The following UBL7 variants were observed in gnomAD, a reference collection of about 807,000 sequenced individuals.
UBL7 encodes the protein ubiquitin like 7, also known as ubiquitin-like protein 7.
UBL7 carries 21 observed loss-of-function variants against 41.7 expected under a neutral mutation model. The ratio of observed to expected loss-of-function variants is 0.50; its 90% CI spans 0.36 to 0.73. The LOEUF (loss-of-function observed/expected upper bound fraction) is 0.73, where lower values mean the gene tolerates loss of function less well. Among genes scored for constraint, UBL7 ranks in the 30% least tolerant of loss-of-function variants. UBL7 has a pLI of 0.00. For missense variants in UBL7, 403 were observed against 478.4 expected (o/e 0.84, Z 1.47); for synonymous variants, 157 against 186.9 (o/e 0.84, Z 1.31).
intron 1 of UBL7, among the ~76,000 whole-genome samples, chr15:74,459,475 A>T (rs1260798845): frequency 1.4e-5 from 2 of 141,022 alleles, no homozygotes; most frequent in African/African-American, 5.2e-5. Context: ...CGCCAGGCTA[A>T]TTTTTTTTTT....
chr15:74,449,488 AGT>A (rs1450077055), intron 8 of UBL7, 135 bp from the exon 9 acceptor site: 1 of 1,539,604 alleles, frequency 6.5e-7, no homozygotes, highest in Admixed American at 1.8e-5. Context: ...AAGCAGAAAT[AGT>A]ATGACATGGT....
chr15:74,458,963 A>C, intron 1 of UBL7, 67 bp from the exon 2 acceptor site: 4 of 1,466,128 alleles, frequency 2.7e-6, no homozygotes, highest in Non-Finnish European at 3.7e-6. Context: ...CCACCCACCA[A>C]AGGGTTGAAT....
At position 74,451,458 on chromosome 15, in the gene UBL7, G is replaced by A. The variant is rs1203738457; in HGVS notation, c.450C>T (p.Leu150=). ...LDQIIVATPG[L]SSDPIALGVL... ...TACCAAGAGCAATAGGGTCACTGCT[G>A]AGGCCTGGGGTGGCCACAATGATCT... is the stretch of plus-strand genomic sequence containing the variant. The change falls in exon 5 of 11, where the codon CTC becomes CTT. Residue 150 remains leucine (L), a synonymous_variant. Coordinates refer to ENST00000395081, the MANE Select transcript of UBL7 (RefSeq NM_032907.5). 1.2e-6 allele frequency: 2 copies of A among 1,614,078 alleles called. No individual in the cohort carries two copies. Among genetic ancestry groups the A allele is most frequent in the Admixed American group, 1.7e-5 (1 of 60,022 alleles).
At chr15:74,459,085 G>T in intron 1 of UBL7, 189 bp from the exon 2 acceptor site, 1 of 566,830 alleles carries the variant, frequency 1.8e-6, no homozygotes, top group Non-Finnish European at 3.1e-6. Context: ...CAGCTCTCTA[G>T]GCCTCAGTTT....
rs1282954990 is a variant in UBL7 at position 74,448,588 on chromosome 15, C to A, written c.895G>T (p.Gly299Trp). The A allele has an allele frequency of 1.2e-6, 2 of 1,614,000 alleles. No individual in the cohort carries two copies. Residue 299 changes from glycine to tryptophan, a missense_variant, in exon 10 of 11, where the codon GGG becomes TGG. By Grantham distance (184) the Gly-to-Trp change is radical (BLOSUM62 -2). Coordinates refer to ENST00000395081, the MANE Select transcript of UBL7 (RefSeq NM_032907.5). ...PTPGTQGHSS[G>W]TSPMSSGVQS... ...ACACCAGAGGACATTGGTGAGGTCC[C>A]TGAGGAATGACCCTAGAGACAAATT...
rs138519431 is a variant in UBL7 at position 74,449,640 on chromosome 15, C to G, written c.700G>C (p.Asp234His). ...FLFEGLSDDE[D>H]DFHPNTRSTP... ...AGGCCACTTACTGGGTGAAAGTCAT[C>G]CTCATCATCTGAGAGCCCTTCAAAC... The change falls in exon 8 of 11, where the codon GAT (aspartate) becomes CAT (histidine). Residue 234 changes from aspartate to histidine, a missense_variant. Asp to His is a moderately conservative substitution (Grantham distance 81). Transcript: ENST00000395081. 1.9e-6 allele frequency: 3 copies of G among 1,614,118 alleles called. No individual in the cohort carries two copies. The African/African-American group carries it at 4.0e-5, about 22-fold the overall frequency.
At chr15:74,448,651 T>C (rs766781638) in intron 9 of UBL7, 51 bp from the exon 10 acceptor site, 13 of 1,606,676 alleles carry the variant, frequency 8.1e-6, no homozygotes, top group South Asian at 3.3e-5. Context: ...CTCAATCTTA[T>C]AGCAGATGCT....
At chr15:74,459,434 A>T (rs368904616) in intron 1 of UBL7, among the ~76,000 whole-genome samples, 4 of 148,854 alleles carry the variant, frequency 2.7e-5, no homozygotes, top group African/African-American at 7.4e-5. Context: ...TCAGCCTCCC[A>T]GGTAGCAGGG....
At chr15:74,454,073 G>C (rs890846996) in intron 3 of UBL7, among the ~76,000 whole-genome samples, 1 of 152,194 alleles carries the variant, frequency 6.6e-6, no homozygotes, top group Admixed American at 6.5e-5. Flanking sequence ...TCTTGAGCCA[G>C]GAAAACCCCT....
chr15:74,448,124 G>T (rs1762041825), intron 10 of UBL7, among the ~76,000 whole-genome samples: 1 of 152,202 alleles, frequency 6.6e-6, no homozygotes, highest in African/African-American at 2.4e-5. Context: ...GCCCCTCCAT[G>T]GCAGGGATGA....
At position 74,458,766 on chromosome 15, in the gene UBL7, C is replaced by A. The variant is rs757450572; in HGVS notation, c.102G>T (p.Ser34=). The A allele has an allele frequency of 1.2e-6, 2 of 1,614,006 alleles. No homozygotes were observed. Among genetic ancestry groups the A allele is most frequent in the South Asian group, 1.1e-5 (1 of 91,088 alleles). The part of the protein sequence containing the change: ...RLPETELGEY[S]LGGYSISFLK... Reference sequence around the variant, plus strand: ...GAAATGAAATACTATAGCCCCCTAGCGAGTATTCTCCCAGTTCTGTCTCTG... The same window carrying A: ...GAAATGAAATACTATAGCCCCCTAGAGAGTATTCTCCCAGTTCTGTCTCTG... The change falls in exon 2 of 11, where the codon TCG becomes TCT. Residue 34 remains serine (S), a synonymous_variant. Transcript: ENST00000395081.
In UBL7 at chr15:74,446,014, T is replaced by G; in HGVS notation, c.*76A>C. ...TCAGGTATATTGGGGAAGGGAGAGA[T>G]GGAGGCACCTTCATGAGTGCCTCCC... is the stretch of plus-strand genomic sequence containing the variant. On this transcript the variant is annotated 3_prime_UTR_variant, in exon 11 of 11. Transcript: ENST00000395081. The surrounding 1 kb of genome is among the most constrained non-coding windows in gnomAD (Gnocchi z 4.1). 6.4e-7 allele frequency: 1 copy of G among 1,556,134 alleles called. No individual in the cohort carries two copies. The highest frequency in any genetic ancestry group is 8.7e-7 in the Non-Finnish European group (1 of 1,147,060).
rs201710274 is a variant in UBL7, at chr15:74,451,477, A to G, written c.431T>C (p.Ile144Thr). Residue 144 changes from isoleucine to threonine, a missense_variant, in exon 5 of 11, where the codon ATT (isoleucine) becomes ACT (threonine). By Grantham distance (89) the Ile-to-Thr change is moderately conservative. Transcript: ENST00000395081. ...LSNKESLDQI[I>T]VATPGLSSDP... ...ACTGCTGAGGCCTGGGGTGGCCACA[A>G]TGATCTGATCCAGAGACTCCTTATT... The G allele has an allele frequency of 9.7e-5, 156 of 1,614,122 alleles. 1 individual carries two copies. The highest frequency in any genetic ancestry group is 4.0e-4 in the South Asian group (36 of 91,084).
In UBL7 at chr15:74,461,095, C is replaced by A; in HGVS notation, c.-88G>T. The A allele has an allele frequency of 3.0e-6, 3 of 1,004,012 alleles. No homozygotes were observed. The highest frequency in any genetic ancestry group is 3.6e-6 in the Non-Finnish European group (3 of 839,554). 62.2% of individuals were successfully genotyped at this position (1,004,012 alleles called of 1,614,324 possible). A position where few individuals can be genotyped will look rare whatever the true frequency, so the allele number is the denominator to read the frequency against. On this transcript the variant is annotated 5_prime_UTR_variant, in exon 1 of 11. Transcript: ENST00000395081. Reference sequence around the variant, plus strand: ...CATCGAGCCCGCGCTGCCCAGGGCCCCAGCGCCCTCACCCGTCCCGCGGAA... The same window carrying A: ...CATCGAGCCCGCGCTGCCCAGGGCCACAGCGCCCTCACCCGTCCCGCGGAA...
rs570047672 is a variant in UBL7 at position 74,456,677 on chromosome 15, A to C, written c.185-6T>G. On this transcript the variant is annotated splice_region_variant and splice_polypyrimidine_tract_variant and intron_variant, in intron 2 of 10. Coordinates refer to ENST00000395081, the MANE Select transcript of UBL7 (RefSeq NM_032907.5). ...CCGACCACAGTAGATCAGATCTAAA[A>C]AAAGAACTGTCCACTTATATTTTGC... is the stretch of plus-strand genomic sequence containing the variant. The C allele has an allele frequency of 1.9e-6, 3 of 1,611,446 alleles. No homozygotes were observed. The South Asian group carries it at 3.3e-5, about 18-fold the overall frequency.
intron 7 of UBL7, 116 bp from the exon 8 acceptor site, chr15:74,449,791 T>C: frequency 6.5e-7 from 1 of 1,547,864 alleles, no homozygotes; most frequent in South Asian, 1.2e-5. Context: ...CTCGGAAAAT[T>C]ACAGGACAGA....
chr15:74,446,866 T>C lies in UBL7; in HGVS notation c.1006-639A>G, dbSNP rs562940351. On this transcript the variant is annotated intron_variant, in intron 10 of 10. Coordinates refer to ENST00000395081, the MANE Select transcript of UBL7 (RefSeq NM_032907.5). The surrounding 1 kb of genome is among the most constrained non-coding windows in gnomAD (Gnocchi z 4.1). ...CCCATATTTTCTTCTAGTACTTTCA[T>C]AGCTTCATTAATATCTCTATTTCAT... Among the ~76,000 whole-genome samples, 3 of 152,362 alleles carry C rather than the reference T, an allele frequency of 2.0e-5. No individual in the cohort carries two copies. Among genetic ancestry groups the C allele is most frequent in the African/African-American group, 7.2e-5 (3 of 41,588 alleles).
At chr15:74,450,209 C>T in intron 6 of UBL7, 140 bp from the exon 7 acceptor site, 3 of 1,106,716 alleles carry the variant, frequency 2.7e-6, no homozygotes, top group Non-Finnish European at 3.7e-6. Context: ...CATCTTCCAC[C>T]AGGAAGCTTT....
At chr15:74,448,399 C>A (rs761246368) in intron 10 of UBL7, 79 bp downstream of exon 10, 2 of 1,589,494 alleles carry the variant, frequency 1.3e-6, no homozygotes, top group African/African-American at 1.3e-5. Context: ...TGTGAAGGAC[C>A]GCCAGAGAGC....
Sources: allele counts gnomAD v4.1 joint callset (sites outside exome capture counted in the v4.1 genomes callset), GRCh38; gene constraint gnomAD v4.1.1; non-coding constraint Gnocchi (gnomAD v3.1); transcripts MANE v1.5; gene names NCBI Gene and HGNC (gene_info 2026-07-23, HGNC 2026-07-21).